The following SPTBN2 variants were observed in gnomAD, a reference collection of about 807,000 sequenced individuals.
SPTBN2 encodes spectrin beta, non-erythrocytic 2.
In SPTBN2, 107 loss-of-function variants were observed where a neutral mutation model predicts 284.2. The observed-to-expected ratio is 0.38, with a 90% CI of 0.32 to 0.44. SPTBN2 has a LOEUF of 0.44. SPTBN2 is among the 20% of genes least tolerant of loss of function. The pLI is 1.00. For synonymous variants in SPTBN2, 1,289 were observed against 1,354.8 expected, an observed-to-expected ratio of 0.95 and a Z score of 1.07; for missense variants, 2,569 against 3,287.1, an observed-to-expected ratio of 0.78 and a Z score of 5.34.
chr11:66,734,008 T>G (rs1393915124), upstream of SPTBN2, among the ~76,000 whole-genome samples: 2 of 147,596 alleles, frequency 1.4e-5, no homozygotes, highest in African/African-American at 5.0e-5. Flanking sequence ...AAAAAAAAAA[T>G]TATCCTATTG....
chr11:66,698,419 T>C (rs984565634), intron 20 of SPTBN2, among the ~76,000 whole-genome samples: 8 of 152,226 alleles, frequency 5.3e-5, no homozygotes, highest in Admixed American at 3.3e-4. Context: ...GCAGTTTCGC[T>C]ACCTGCTAAT....
chr11:66,734,121 G>A (rs560937422), upstream of SPTBN2, among the ~76,000 whole-genome samples: 1 of 151,964 alleles, frequency 6.6e-6, no homozygotes, highest in Admixed American at 6.6e-5. Flanking sequence ...TTTTGTTATG[G>A]GGTTGCCATT....
chr11:66,701,787 C>G, intron 15 of SPTBN2, 66 bp from the exon 16 acceptor site: 2 of 1,611,006 alleles, frequency 1.2e-6, no homozygotes, highest in South Asian at 2.2e-5. Flanking sequence ...CACCTAAGTC[C>G]ACCTCTCTTA....
In SPTBN2 at chr11:66,688,015, C is replaced by A. The variant is rs1232528664; in HGVS notation, c.6439G>T (p.Glu2147Ter). The change falls in exon 33 of 38, where the codon GAG becomes TAG. Residue 2147 changes from glutamate to a stop codon, truncating the protein, a stop_gained. Coordinates refer to ENST00000533211, the MANE Select transcript of SPTBN2 (RefSeq NM_006946.4). LOFTEE classifies it high-confidence loss of function. ...GACAGTGGGGTCACCTGTGAGGGCT[C>A]TCCATCTGTGCAGACTCCATTAACA... is the stretch of plus-strand genomic sequence containing the variant. ...PSVNGVCTDG[E>*]PSQPLLGQQR... 43 of 1,614,112 alleles carry A rather than the reference C, an allele frequency of 2.7e-5. No individual in the cohort carries two copies. The highest frequency in any genetic ancestry group is 3.6e-5 in the Non-Finnish European group (43 of 1,180,052).
At chr11:66,738,679 C>A (rs528254113) in intron 1 of SPTBN2, among the ~76,000 whole-genome samples, 1 of 152,184 alleles carries the variant, frequency 6.6e-6, no homozygotes, top group African/African-American at 2.4e-5. Context: ...CCACGCCCGG[C>A]TAATTTTTGT....
chr11:66,741,406 T>C (rs1942894766), intron 1 of SPTBN2, among the ~76,000 whole-genome samples: 1 of 152,226 alleles, frequency 6.6e-6, no homozygotes, highest in Non-Finnish European at 1.5e-5. Context: ...TCCCTAGCCA[T>C]GATGAACAAT....
In SPTBN2 at chr11:66,707,956, A is replaced by C; in HGVS notation, c.1351-138T>G. On this transcript the variant is annotated intron_variant, in intron 12 of 37. Transcript: ENST00000533211. The surrounding 1 kb of genome is among the most constrained non-coding windows in gnomAD (Gnocchi z 4.9). Reference sequence around the variant, plus strand: ...TAAGTTCCCTCTCTATCCCACCCCCATCCTGTCTCACCAACCCTCTCTCCT... The same window carrying C: ...TAAGTTCCCTCTCTATCCCACCCCCCTCCTGTCTCACCAACCCTCTCTCCT... 3 of 1,377,382 alleles carry C rather than the reference A, an allele frequency of 2.2e-6. No individual in the cohort carries two copies. Among genetic ancestry groups the C allele is most frequent in the Non-Finnish European group, 3.0e-6 (3 of 1,007,344 alleles). The allele number at this position is 1,377,382 out of a possible 1,614,324, so 85.3% of individuals were successfully genotyped here.
Position 66,686,355 on chromosome 11 carries a change from T to C in SPTBN2, c.6939+43A>G, listed in dbSNP as rs530762071. ...GAAGGGGAGTCTGCAGCTGGAAGCT[T>C]CTGGAATGGCACGGACAGAGAGGAA... On this transcript the variant is annotated intron_variant, in intron 37 of 37. Coordinates refer to ENST00000533211, the MANE Select transcript of SPTBN2 (RefSeq NM_006946.4). 19 of 1,613,046 alleles carry C rather than the reference T, an allele frequency of 1.2e-5. No homozygotes were observed. The South Asian group carries it at 2.0e-4, about 17-fold the overall frequency.
At position 66,702,622 on chromosome 11, in the gene SPTBN2, G is replaced by A. The variant is rs148328233; in HGVS notation, c.2679-901C>T. ...AGCCACGGGCAATACGCAAAAGGGC[G>A]AGTGTAGCTCTGTTCCAGTAAAACT... On this transcript the variant is annotated intron_variant, in intron 15 of 37. Coordinates refer to ENST00000533211, the MANE Select transcript of SPTBN2 (RefSeq NM_006946.4). 2.6e-3 allele frequency among the ~76,000 whole-genome samples: 397 copies of A among 152,160 alleles called. 1 individual carries two copies. The highest frequency in any genetic ancestry group is 8.5e-3 in the African/African-American group (351 of 41,530).
intron 15 of SPTBN2, among the ~76,000 whole-genome samples, chr11:66,702,311 G>A (rs1941290504): frequency 6.6e-6 from 1 of 152,134 alleles, no homozygotes; most frequent in Admixed American, 6.5e-5. Context: ...GATTACAGGT[G>A]CCCGCCACCA....
At position 66,710,653 on chromosome 11, in the gene SPTBN2, G is replaced by A. The variant is rs1304747300; in HGVS notation, c.1002C>T (p.Ala334=). 6.2e-7 allele frequency: 1 copy of A among 1,614,030 alleles called. No homozygotes were observed. The highest frequency in any genetic ancestry group is 8.5e-7 in the Non-Finnish European group (1 of 1,180,036). Residue 334 remains alanine (A), a synonymous_variant, in exon 10 of 38, where the codon GCC becomes GCT. Transcript: ENST00000533211. This position sits in a 1 kb window ranked among gnomAD's most constrained non-coding sequence, Gnocchi z 4.9. The stretch of plus-strand genomic sequence containing the variant: ...GGTTCTGGACCCCGCTAAGGGAGTT[G>A]GCCAACTGCCGGTCATTGAGGGTCA... ...TIVTLNDRQL[A]NSLSGVQNQL...
intron 1 of SPTBN2, chr11:66,728,392 C>G (rs1274834372): frequency 6.8e-6 from 1 of 147,728 alleles, no homozygotes; most frequent in African/African-American, 2.4e-5. Flanking sequence ...ACTGCGGCGC[C>G]GCGGAAGGAG....
chr11:66,689,470 C>A, intron 29 of SPTBN2: 1 of 522,886 alleles, frequency 1.9e-6, no homozygotes. Context: ...AACGGGGTTT[C>A]ACCATGTTTC....
At chr11:66,692,416 C>T in intron 26 of SPTBN2, 120 bp downstream of exon 26, 1 of 1,209,242 alleles carries the variant, frequency 8.3e-7, no homozygotes, top group Non-Finnish European at 1.2e-6. Flanking sequence ...ACAGTGCCTG[C>T]TCAGCCTGGT....
intron 1 of SPTBN2, among the ~76,000 whole-genome samples, chr11:66,741,412 A>G (rs946139854): frequency 6.6e-6 from 1 of 152,210 alleles, no homozygotes; most frequent in Non-Finnish European, 1.5e-5. Context: ...GCCATGATGA[A>G]CAATGAGTCA....
chr11:66,703,702 G>A (rs1476643514), intron 15 of SPTBN2, among the ~76,000 whole-genome samples: 10 of 151,508 alleles, frequency 6.6e-5, no homozygotes, highest in Admixed American at 2.6e-4. Context: ...GCACCACTGC[G>A]CTCCAGCCTG....
At chr11:66,711,538 G>A (rs1244533373) in intron 8 of SPTBN2, among the ~76,000 whole-genome samples, 2 of 152,206 alleles carry the variant, frequency 1.3e-5, no homozygotes, top group Non-Finnish European at 2.9e-5. Context: ...GTGTGATCAC[G>A]CCGTTTCTAA....
At chr11:66,726,690 G>A (rs1303380569) in intron 1 of SPTBN2, among the ~76,000 whole-genome samples, 1 of 152,242 alleles carries the variant, frequency 6.6e-6, no homozygotes, top group Admixed American at 6.5e-5. Context: ...AAACAGCACA[G>A]CGAACCGCAG....
intron 15 of SPTBN2, 133 bp from the exon 16 acceptor site, chr11:66,701,854 C>G (rs1331987250): frequency 7.8e-7 from 1 of 1,276,474 alleles, no homozygotes; most frequent in Non-Finnish European, 1.1e-6. Context: ...GTCTCTCTGC[C>G]TCTCAGCCTA....
Sources: gnomAD v4.1 joint callset for allele counts (sites outside exome capture counted in the v4.1 genomes callset) on GRCh38, gnomAD v4.1.1 for gene constraint, Gnocchi (gnomAD v3.1) non-coding constraint, MANE v1.5 for transcripts, NCBI Gene and HGNC (gene_info 2026-07-23, HGNC 2026-07-21) for gene names.